ABCA13: variants seen among roughly 807,000 people sequenced by gnomAD.
ABCA13 encodes ATP-binding cassette sub-family A member 13.
A neutral mutation model predicts 478.7 loss-of-function variants in ABCA13; 476 were observed. The observed-to-expected ratio is 0.99, with a 90% CI of 0.92 to 1.07. The LOEUF (loss-of-function observed/expected upper bound fraction) is 1.07, where lower values mean the gene tolerates loss of function less well. Ranked by LOEUF, ABCA13 falls within the 50% of genes least tolerant of loss-of-function variation. The probability of loss-of-function intolerance (pLI) is 0.00; values close to 1 mark genes in which losing one functional copy is unlikely to be tolerated. For synonymous variants in ABCA13, 2,252 were observed against 2,158.9 expected (o/e 1.04, Z -1.20); for missense variants, 6,060 against 5,910.6 (o/e 1.03, Z -0.83).
intron 42 of ABCA13, among the ~76,000 whole-genome samples, chr7:48,453,203 A>T (rs1346329507): frequency 1.3e-5 from 2 of 151,536 alleles, no homozygotes. Context: ...TTATAAAAAC[A>T]CACTTTTAAC....
intron 51 of ABCA13, among the ~76,000 whole-genome samples, chr7:48,513,561 C>T (rs1307801407): frequency 6.6e-6 from 1 of 152,166 alleles, no homozygotes; most frequent in Non-Finnish European, 1.5e-5. Flanking sequence ...TGCTTGGTGT[C>T]TTGGGAAATC....
intron 55 of ABCA13, among the ~76,000 whole-genome samples, chr7:48,574,598 C>T (rs1477420987): frequency 2.0e-5 from 3 of 152,120 alleles, no homozygotes; most frequent in Non-Finnish European, 4.4e-5. Context: ...ACTTTCTTCC[C>T]CCTGGGATAT....
chr7:48,381,971 C>T (rs997792972), intron 35 of ABCA13, among the ~76,000 whole-genome samples: 4 of 152,232 alleles, frequency 2.6e-5, no homozygotes, highest in Non-Finnish European at 1.5e-5. Flanking sequence ...TGGCAGCTCT[C>T]TGCTTTAGTT....
At chr7:48,432,071 T>G (rs1362764504) in intron 42 of ABCA13, among the ~76,000 whole-genome samples, 1 of 152,114 alleles carries the variant, frequency 6.6e-6, no homozygotes, top group Non-Finnish European at 1.5e-5. Flanking sequence ...CCCTAGAACT[T>G]AAAGTATAAT....
intron 25 of ABCA13, 68 bp from the exon 26 acceptor site, chr7:48,314,164 T>A: frequency 6.6e-7 from 1 of 1,511,380 alleles, no homozygotes; most frequent in Non-Finnish European, 9.0e-7. Context: ...AACTAGACTT[T>A]CAGAAGTGTG....
At chr7:48,541,334 C>T (rs531444680) in intron 55 of ABCA13, among the ~76,000 whole-genome samples, 18 of 152,196 alleles carry the variant, frequency 1.2e-4, no homozygotes, top group Non-Finnish European at 2.5e-4. Flanking sequence ...CACCATCAAA[C>T]ATTTACTTGG....
intron 41 of ABCA13, among the ~76,000 whole-genome samples, chr7:48,421,209 T>C (rs1161640596): frequency 1.3e-5 from 2 of 152,178 alleles, no homozygotes; most frequent in Admixed American, 6.5e-5. Context: ...CTCTTTTTTT[T>C]TTTGAGGATA....
rs767088038 is a variant in ABCA13, at chr7:48,387,890, T to C, written c.11404T>C (p.Leu3802=). 53 of 1,613,206 alleles carry C rather than the reference T, an allele frequency of 3.3e-5. No homozygotes were observed. The highest frequency in any genetic ancestry group is 5.5e-5 in the South Asian group (5 of 90,958). Residue 3802 remains leucine (L), a synonymous_variant, in exon 36 of 62, where the codon TTG becomes CTG. Transcript: ENST00000435803. The part of the protein sequence containing the change: ...TASYWKSVGF[L]VEKRQYFLSS... ...CTCATATTGGAAGAGTGTGGGTTTC[T>C]TGGTGGAGAAAAGGCAATACTTTCT...
Position 48,227,460 on chromosome 7 carries a change from T to C in ABCA13, c.632+35T>C, listed in dbSNP as rs1419874791. On this transcript the variant is annotated intron_variant, in intron 6 of 61. Coordinates refer to ENST00000435803, the MANE Select transcript of ABCA13 (RefSeq NM_152701.5). ...AAAGAAAAACATAACTAAGTATCAA[T>C]ATGTTGTTTTTTTACCTTATTTTTA... 2.5e-6 allele frequency: 4 copies of C among 1,601,264 alleles called. No individual in the cohort carries two copies. The Admixed American group carries it at 6.9e-5, about 28-fold the overall frequency.
intron 55 of ABCA13, among the ~76,000 whole-genome samples, chr7:48,543,243 T>C (rs1423970448): frequency 6.6e-6 from 1 of 151,770 alleles, no homozygotes. Context: ...ATTGAAAGGC[T>C]GAAAACAAGG....
chr7:48,484,348 C>G (rs1829078871), intron 47 of ABCA13, among the ~76,000 whole-genome samples: 1 of 152,126 alleles, frequency 6.6e-6, no homozygotes, highest in South Asian at 2.1e-4. Flanking sequence ...AAAGACAACA[C>G]ACATTCATGA....
chr7:48,230,603 C>G (rs1345261160), intron 7 of ABCA13, among the ~76,000 whole-genome samples: 2 of 152,192 alleles, frequency 1.3e-5, no homozygotes, highest in Non-Finnish European at 2.9e-5. Flanking sequence ...GTCCATCCAT[C>G]CACCCACACA....
chr7:48,538,125 G>A (rs1318648936), intron 55 of ABCA13, among the ~76,000 whole-genome samples: 1 of 130,634 alleles, frequency 7.7e-6, no homozygotes, highest in South Asian at 2.4e-4. Flanking sequence ...TTTTGAGGTG[G>A]AGTCTTGCTC....
chr7:48,493,577 T>G (rs1368271288), intron 48 of ABCA13, among the ~76,000 whole-genome samples: 1 of 152,120 alleles, frequency 6.6e-6, no homozygotes, highest in Non-Finnish European at 1.5e-5. Flanking sequence ...TGGGTGGTGA[T>G]GATAGCAGTT....
At position 48,524,380 on chromosome 7, in the gene ABCA13, A is replaced by G. The variant is rs375136305; in HGVS notation, c.14184A>G (p.Arg4728=). The G allele has an allele frequency of 1.7e-5, 27 of 1,613,220 alleles. No homozygotes were observed. In the African/African-American group the frequency reaches 3.3e-4, roughly 20 times the overall value. The change falls in exon 54 of 62, where the codon CGA becomes CGG. Residue 4728 remains arginine (R), a synonymous_variant. Coordinates refer to ENST00000435803, the MANE Select transcript of ABCA13 (RefSeq NM_152701.5). The stretch of plus-strand genomic sequence containing the variant: ...TATACAACCTTAGTAAACATTATCG[A>G]CGCTTTTTCCAGAATATTATTGCTG... The part of the protein sequence containing the change: ...LVLYNLSKHY[R]RFFQNIIAVQ...
chr7:48,293,192 G>GGC (rs1798787635), intron 20 of ABCA13, among the ~76,000 whole-genome samples: 1 of 108,326 alleles, frequency 9.2e-6, no homozygotes, highest in Non-Finnish European at 2.0e-5. Flanking sequence ...GAAGTCTTCA[G>GGC]CCCCCCCCCC....
In ABCA13 at chr7:48,403,655, G is replaced by A. The variant is rs147289624; in HGVS notation, c.11874-28G>A. ...AGCAAAGTTTTAAGGTGTTCAGGGA[G>A]AAGAGTGATGTTTTCTTCTAATTTC... On this transcript the variant is annotated intron_variant, in intron 38 of 61. Transcript: ENST00000435803. 333 of 1,606,892 alleles carry A rather than the reference G, an allele frequency of 2.1e-4. 6 individuals carry two copies. In the East Asian group the frequency reaches 4.3e-3, roughly 21 times the overall value.
intron 38 of ABCA13, among the ~76,000 whole-genome samples, chr7:48,401,298 A>G (rs759510632): frequency 1.3e-5 from 2 of 152,226 alleles, no homozygotes; most frequent in Non-Finnish European, 2.9e-5. Context: ...AAAATAAAAT[A>G]AAGTGACTGG....
intron 42 of ABCA13, among the ~76,000 whole-genome samples, chr7:48,440,760 G>A (rs1328713809): frequency 2.0e-5 from 3 of 151,656 alleles, no homozygotes; most frequent in South Asian, 2.1e-4. Flanking sequence ...TTATACATCT[G>A]TTTTAGAAAC....
Sources: gnomAD v4.1 joint callset for allele counts (sites outside exome capture counted in the v4.1 genomes callset) on GRCh38, gnomAD v4.1.1 for gene constraint, MANE v1.5 for transcripts, NCBI Gene and HGNC (gene_info 2026-07-23, HGNC 2026-07-21) for gene names.